Variants in MTUS2 observed in about 807,000 individuals in gnomAD.
The protein encoded by MTUS2 is microtubule-associated tumor suppressor candidate 2.
In MTUS2, 40 loss-of-function variants were observed where a neutral mutation model predicts 114.1. The ratio of observed to expected loss-of-function variants is 0.35; its 90% CI spans 0.27 to 0.46. The LOEUF is 0.46. Among genes scored for constraint, MTUS2 ranks in the 20% least tolerant of loss-of-function variants. The pLI is 1.00. For missense variants in MTUS2, 1,679 were observed against 1,705.4 expected, an observed-to-expected ratio of 0.98 and a Z score of 0.27; for synonymous variants, 688 against 672.0, an observed-to-expected ratio of 1.02 and a Z score of -0.37.
intron 5 of MTUS2, among the ~76,000 whole-genome samples, chr13:29,185,376 G>A (rs960784306): frequency 2.6e-5 from 4 of 152,132 alleles, no homozygotes; most frequent in Admixed American, 2.0e-4. Flanking sequence ...GAAGAAATAA[G>A]GGTGAAAACT....
chr13:29,412,258 A>T (rs1470666264), intron 8 of MTUS2, among the ~76,000 whole-genome samples: 1 of 152,204 alleles, frequency 6.6e-6, no homozygotes, highest in African/African-American at 2.4e-5. Flanking sequence ...AGTTAAGAAA[A>T]CACTTCATTT....
chr13:29,152,274 T>C (rs1475239261), intron 5 of MTUS2, among the ~76,000 whole-genome samples: 1 of 152,210 alleles, frequency 6.6e-6, no homozygotes, highest in African/African-American at 2.4e-5. Context: ...AAACATATGC[T>C]AAAAGTTCTT....
intron 8 of MTUS2, among the ~76,000 whole-genome samples, chr13:29,408,342 G>A (rs971839675): frequency 6.6e-6 from 1 of 152,028 alleles, no homozygotes; most frequent in Non-Finnish European, 1.5e-5. Flanking sequence ...TTGACACAGG[G>A]TCTTGCTGAG....
intron 8 of MTUS2, among the ~76,000 whole-genome samples, chr13:29,405,496 A>G (rs1874682114): frequency 6.6e-6 from 1 of 152,168 alleles, no homozygotes; most frequent in African/African-American, 2.4e-5. Flanking sequence ...CCACTCAATA[A>G]AAGTCAGCTT....
At chr13:29,404,527 C>T (rs1425567964) in intron 8 of MTUS2, among the ~76,000 whole-genome samples, 7 of 152,102 alleles carry the variant, frequency 4.6e-5, no homozygotes. Flanking sequence ...TCCCCCGTCT[C>T]CTCCCTAACC....
chr13:28,980,511 A>C (rs777488354), intron 2 of MTUS2, among the ~76,000 whole-genome samples: 4 of 152,158 alleles, frequency 2.6e-5, no homozygotes, highest in Non-Finnish European at 5.9e-5. Flanking sequence ...ATAGCGTAGT[A>C]TATATGTTGT....
intron 5 of MTUS2, among the ~76,000 whole-genome samples, chr13:29,195,027 C>T (rs1358377501): frequency 2.8e-4 from 40 of 141,422 alleles, no homozygotes; most frequent in Admixed American, 1.3e-3. Context: ...TTCTCACTCA[C>T]AGGTGGGAAT....
chr13:29,158,529 C>A (rs1297648392), intron 5 of MTUS2, among the ~76,000 whole-genome samples: 1 of 151,838 alleles, frequency 6.6e-6, no homozygotes, highest in East Asian at 1.9e-4. Flanking sequence ...TATAGCAATT[C>A]AAGAGAGCTG....
chr13:29,103,198 A>G (rs547613193), intron 5 of MTUS2, among the ~76,000 whole-genome samples: 11 of 152,324 alleles, frequency 7.2e-5, no homozygotes, highest in South Asian at 4.1e-4. Flanking sequence ...ATAAGAATCT[A>G]TAGTCACACA....
intron 5 of MTUS2, among the ~76,000 whole-genome samples, chr13:29,112,633 T>C (rs1269835334): frequency 6.6e-6 from 1 of 152,050 alleles, no homozygotes. Flanking sequence ...ATGCTTATGC[T>C]CTGAGGAGAA....
chr13:29,202,768 A>G (rs935386178), intron 5 of MTUS2, among the ~76,000 whole-genome samples: 1 of 152,084 alleles, frequency 6.6e-6, no homozygotes, highest in Non-Finnish European at 1.5e-5. Context: ...AGGCCCCTCT[A>G]CTGCAGGTCT....
At chr13:29,283,704 G>A (rs973660081) in intron 6 of MTUS2, among the ~76,000 whole-genome samples, 8 of 152,150 alleles carry the variant, frequency 5.3e-5, no homozygotes, top group African/African-American at 1.9e-4. Context: ...CCCAAGTGGT[G>A]CCTCTAGACT....
intron 6 of MTUS2, chr13:29,307,116 G>T: frequency 2.1e-6 from 1 of 477,844 alleles, no homozygotes; most frequent in South Asian, 1.7e-5. Flanking sequence ...CTCACTTGCA[G>T]GGAGGAGCCA....
chr13:28,887,198 T>G (rs1429349432), intron 2 of MTUS2, among the ~76,000 whole-genome samples: 1 of 152,232 alleles, frequency 6.6e-6, no homozygotes, highest in Non-Finnish European at 1.5e-5. Flanking sequence ...ATTGAACTAC[T>G]GCCTTGGGAA....
At chr13:29,020,304 T>C (rs1312728776) in intron 2 of MTUS2, among the ~76,000 whole-genome samples, 2 of 152,250 alleles carry the variant, frequency 1.3e-5, no homozygotes, top group Non-Finnish European at 2.9e-5. Context: ...GTTTGTACCA[T>C]TGGTTGACCT....
At chr13:29,123,972 C>A (rs1259457604) in intron 5 of MTUS2, among the ~76,000 whole-genome samples, 1 of 152,178 alleles carries the variant, frequency 6.6e-6, no homozygotes, top group Non-Finnish European at 1.5e-5. Context: ...TAGGTCAACA[C>A]ACCATTGCCA....
chr13:29,326,329 C>T (rs9508356), intron 7 of MTUS2, among the ~76,000 whole-genome samples: 83,779 of 152,052 alleles, frequency 0.55, 25,884 homozygotes, highest in East Asian at 0.75. Context: ...GCTACTTAGT[C>T]GACTAAGATG....
intron 4 of MTUS2, among the ~76,000 whole-genome samples, chr13:29,058,268 C>G (rs920897278): frequency 3.4e-5 from 5 of 148,408 alleles, no homozygotes; most frequent in African/African-American, 1.2e-4. Flanking sequence ...GGATGGTCAT[C>G]TTGTATAGTG....
chr13:28,827,559 G>T (rs1187395740), intron 1 of MTUS2, among the ~76,000 whole-genome samples: 1 of 152,150 alleles, frequency 6.6e-6, no homozygotes, highest in Non-Finnish European at 1.5e-5. Flanking sequence ...ATAAAAGCAG[G>T]AATGTGACCT....
Sources: allele counts gnomAD v4.1 joint callset (sites outside exome capture counted in the v4.1 genomes callset), GRCh38; gene constraint gnomAD v4.1.1; transcripts MANE v1.5; gene names NCBI Gene and HGNC (gene_info 2026-07-23, HGNC 2026-07-21).